Variants in KIF21B observed in about 807,000 individuals in gnomAD.
KIF21B encodes kinesin-like protein KIF21B.
In KIF21B, 85 loss-of-function variants were observed where a neutral mutation model predicts 192.9. That is an observed-to-expected ratio of 0.44 (90% CI 0.37 to 0.53). KIF21B has a LOEUF of 0.53. Among genes scored for constraint, KIF21B ranks in the 20% least tolerant of loss-of-function variants. The pLI is 0.00. For synonymous variants in KIF21B, 832 were observed against 884.6 expected (o/e 0.94, Z 1.05); for missense variants, 1,716 against 2,194.8 (o/e 0.78, Z 4.36).
rs759901677 is a variant in KIF21B at position 201,004,923 on chromosome 1, G to A, written c.743C>T (p.Ala248Val). The part of the protein sequence containing the change: ...MCTQPDLVNE[A>V]VTGLPDGTPP... ...TGTACCATCAGGAAGCCCAGTCACC[G>A]CCTCATTCACCTGCAGCAGAAGTCA... Residue 248 changes from alanine (A) to valine (V), a missense_variant, in exon 6 of 35, where the codon GCG (alanine) becomes GTG (valine). Ala to Val is a moderately conservative substitution (Grantham distance 64, BLOSUM62 0). Around this residue, in one of 3 missense-constraint regions of KIF21B, gnomAD observed 1,087 missense variants for 1,316.6 expected, o/e 0.83. Transcript: ENST00000461742. 2.5e-5 allele frequency: 40 copies of A among 1,606,684 alleles called. No homozygotes were observed. The highest frequency in any genetic ancestry group is 8.0e-5 in the African/African-American group (6 of 74,828).
At chr1:201,007,738 A>G (rs933863191) in intron 3 of KIF21B, among the ~76,000 whole-genome samples, 11 of 151,972 alleles carry the variant, frequency 7.2e-5, no homozygotes, top group African/African-American at 2.7e-4. Context: ...ATACACACAC[A>G]CACATACACA....
In KIF21B at chr1:200,970,437, A is replaced by G. The variant is rs2102356763; in HGVS notation, c.*3084T>C. ...GAAGGTGGCACTCTGACCACCTCAAAGGCTTGGGTGTGCCAGGCTCCGCCT... is the reference window on the plus strand; with the variant it reads ...GAAGGTGGCACTCTGACCACCTCAAGGGCTTGGGTGTGCCAGGCTCCGCCT... On this transcript the variant is annotated 3_prime_UTR_variant, in exon 35 of 35. Coordinates refer to ENST00000461742, the MANE Select transcript of KIF21B (RefSeq NM_001252102.2). 6.5e-6 allele frequency: 1 copy of G among 152,678 alleles called. No homozygotes were observed. The highest frequency in any genetic ancestry group is 1.5e-5 in the Non-Finnish European group (1 of 68,066). 9.5% of individuals were successfully genotyped at this position (152,678 alleles called of 1,614,324 possible). A position where few individuals can be genotyped will look rare whatever the true frequency, so the allele number is the denominator to read the frequency against.
rs4304620 is a variant in KIF21B at position 200,982,926 on chromosome 1, G to T, written c.3842+130C>A. On this transcript the variant is annotated intron_variant, in intron 28 of 34. Transcript: ENST00000461742. The surrounding 1 kb of genome is among the most constrained non-coding windows in gnomAD (Gnocchi z 4.7). Reference sequence around the variant, plus strand: ...AACAGGTCTGGAGAGGGGGGCAGCAGGAAGGGGAGTGGAGGGGCCGCATGC... The same window carrying T: ...AACAGGTCTGGAGAGGGGGGCAGCATGAAGGGGAGTGGAGGGGCCGCATGC... 1 of 802,960 alleles carries T rather than the reference G, an allele frequency of 1.2e-6. No homozygotes were observed. Among genetic ancestry groups the T allele is most frequent in the Non-Finnish European group, 2.1e-6 (1 of 481,618 alleles). The allele number at this position is 802,960 out of a possible 1,614,324, so 49.7% of individuals were successfully genotyped here.
At chr1:200,993,191 C>G (rs1420144643) in intron 15 of KIF21B, among the ~76,000 whole-genome samples, 1 of 152,264 alleles carries the variant, frequency 6.6e-6, no homozygotes, top group Non-Finnish European at 1.5e-5. Flanking sequence ...AAGCCACTGA[C>G]CTCGGGCCCT....
chr1:200,984,982 C>A lies in KIF21B; in HGVS notation c.3690-10G>T. On this transcript the variant is annotated splice_polypyrimidine_tract_variant and intron_variant, in intron 26 of 34. Transcript: ENST00000461742. ...TCCCACATCTGTGGACCTGGTGAGT[C>A]GGGACAGAGGGCAGCCTGTTAGTGA... 1.3e-6 allele frequency: 2 copies of A among 1,597,016 alleles called. No individual in the cohort carries two copies. Among genetic ancestry groups the A allele is most frequent in the Non-Finnish European group, 1.7e-6 (2 of 1,170,370 alleles).
intron 16 of KIF21B, 61 bp from the exon 17 acceptor site, chr1:200,991,786 G>A: frequency 6.5e-7 from 1 of 1,550,336 alleles, no homozygotes; most frequent in Non-Finnish European, 8.8e-7. Context: ...CTCTGTCTGT[G>A]TACAGGCTGG....
chr1:200,980,340 G>T (rs1484564975), intron 29 of KIF21B, among the ~76,000 whole-genome samples: 1 of 152,192 alleles, frequency 6.6e-6, no homozygotes, highest in Non-Finnish European at 1.5e-5. Context: ...CTGCAGCCTT[G>T]ACCTCCCGGA....
chr1:200,976,857 G>A lies in KIF21B; in HGVS notation c.4362C>T (p.Gly1454=). 1.9e-6 allele frequency: 3 copies of A among 1,612,792 alleles called. No individual in the cohort carries two copies. Among genetic ancestry groups the A allele is most frequent in the Non-Finnish European group, 2.5e-6 (3 of 1,178,982 alleles). The change falls in exon 32 of 35, where the codon GGC becomes GGT. Residue 1454 remains glycine (G), a synonymous_variant. Coordinates refer to ENST00000461742, the MANE Select transcript of KIF21B (RefSeq NM_001252102.2). The stretch of plus-strand genomic sequence containing the variant: ...GGGTGACCGTCAGGCACATCACAGG[G>A]CCGATGTGGCCAGTCAGCTTGCCGA... The part of the protein sequence containing the change: ...QPVGKLTGHI[G]PVMCLTVTQT...
In KIF21B at chr1:201,017,432, T is replaced by G. The variant is rs1415895378; in HGVS notation, c.41+5911A>C. Among the ~76,000 whole-genome samples the G allele has an allele frequency of 6.6e-6, 1 of 152,054 alleles. No homozygotes were observed. The highest frequency in any genetic ancestry group is 2.4e-5 in the African/African-American group (1 of 41,416). On this transcript the variant is annotated intron_variant, in intron 1 of 34. Coordinates refer to ENST00000461742, the MANE Select transcript of KIF21B (RefSeq NM_001252102.2). This position sits in a 1 kb window ranked among gnomAD's most constrained non-coding sequence, Gnocchi z 4.1. ...CCAGCCCAGGGAAGTACTGCTCAGC[T>G]GTGCTGCAGCGCCACTCTCCCTGTC...
intron 9 of KIF21B, 139 bp downstream of exon 9, chr1:201,002,022 A>G (rs1657525443): frequency 1.4e-6 from 1 of 691,836 alleles, no homozygotes; most frequent in Non-Finnish European, 2.4e-6. Flanking sequence ...TTTTAAAATC[A>G]AGTGAAAAAA....
Position 200,975,730 on chromosome 1 carries a change from G to C in KIF21B, c.4444-61C>G. On this transcript the variant is annotated intron_variant, in intron 32 of 34. Coordinates refer to ENST00000461742, the MANE Select transcript of KIF21B (RefSeq NM_001252102.2). This position sits in a 1 kb window ranked among gnomAD's most constrained non-coding sequence, Gnocchi z 4.3. The stretch of plus-strand genomic sequence containing the variant: ...GGGAGGATGGAAGGCAGGGCCTACA[G>C]CACTGTGGACCCAGAGGCCTGAAGA... The C allele has an allele frequency of 6.7e-7, 1 of 1,500,844 alleles. No homozygotes were observed. The highest frequency in any genetic ancestry group is 1.3e-5 in the South Asian group (1 of 78,342). 93.0% of individuals were successfully genotyped at this position (1,500,844 alleles called of 1,614,324 possible). A position where few individuals can be genotyped will look rare whatever the true frequency, so the allele number is the denominator to read the frequency against.
rs1655323850 is a variant in KIF21B at position 200,973,364 on chromosome 1, C to T, written c.*157G>A. ...CAGGGGAGGGATGAGGGAACAGTGT[C>T]CTGTGGGAAGGCCAAGGGAGAGGGA... is the stretch of plus-strand genomic sequence containing the variant. On this transcript the variant is annotated 3_prime_UTR_variant, in exon 35 of 35. Transcript: ENST00000461742. 2 of 867,576 alleles carry T rather than the reference C, an allele frequency of 2.3e-6. No individual in the cohort carries two copies. The highest frequency in any genetic ancestry group is 3.2e-6 in the Non-Finnish European group (2 of 622,656). The allele number at this position is 867,576 out of a possible 1,614,324, so 53.7% of individuals were successfully genotyped here. A position where few individuals can be genotyped will look rare whatever the true frequency, so the allele number is the denominator to read the frequency against.
chr1:201,002,402 G>C, intron 8 of KIF21B, 52 bp from the exon 9 acceptor site: 1 of 1,545,806 alleles, frequency 6.5e-7, no homozygotes, highest in Non-Finnish European at 8.9e-7. Flanking sequence ...CGCGGTTGGG[G>C]GGGTAAGGGG....
rs892362718 is a variant in KIF21B, at chr1:200,988,436, C to T, written c.3350+57G>A. On this transcript the variant is annotated intron_variant, in intron 23 of 34. Transcript: ENST00000461742. ...CCCTGGGACCTATGGCAACTCCTCC[C>T]ACCAGCCCCAGGTACATGCTGTGAG... 4 of 1,610,574 alleles carry T rather than the reference C, an allele frequency of 2.5e-6. No individual in the cohort carries two copies. In the African/African-American group the frequency reaches 4.0e-5, roughly 16 times the overall value.
In KIF21B at chr1:200,979,626, A is replaced by C. The variant is rs773124377; in HGVS notation, c.4069T>G (p.Cys1357Gly). The change falls in exon 30 of 35, where the codon TGC becomes GGC. Residue 1357 changes from cysteine (C) to glycine (G), a missense_variant. This residue lies in a region of KIF21B where 580 missense variants were observed against 775.5 expected (regional missense o/e 0.75). Coordinates refer to ENST00000461742, the MANE Select transcript of KIF21B (RefSeq NM_001252102.2). ...GAGAACACAAGCCCCGAGTGGCTGC[A>C]GTACTTGATGGAGACCACGTTGTTG... ...HPNNVVSIKY[C>G]SHSGLVFSVS... 3 of 1,590,004 alleles carry C rather than the reference A, an allele frequency of 1.9e-6. No homozygotes were observed. In the Admixed American group the frequency reaches 5.3e-5, roughly 28 times the overall value.
At chr1:200,996,169 C>A (rs1279908448) in intron 15 of KIF21B, 27 bp downstream of exon 15, 1 of 1,607,420 alleles carries the variant, frequency 6.2e-7, no homozygotes. Context: ...CACTCCAGGC[C>A]CCACTCCTCA....
In KIF21B at chr1:200,974,770, G is replaced by T; in HGVS notation, c.4758C>A (p.His1586Gln). The T allele has an allele frequency of 6.2e-7, 1 of 1,614,206 alleles. No individual in the cohort carries two copies. Among genetic ancestry groups the T allele is most frequent in the Non-Finnish European group, 8.5e-7 (1 of 1,180,020 alleles). ...TGCAGATGGCATTGATGGGACTGTC[G>T]TGGCCCTTGATCTCACCGATGGGTG... ...NFTPIGEIKG[H>Q]DSPINAICTN... is the part of the protein sequence containing the mutation. The change falls in exon 34 of 35, where the codon CAC becomes CAA. Residue 1586 changes from histidine to glutamine, a missense_variant. His to Gln is a conservative substitution (Grantham distance 24). Transcript: ENST00000461742.
chr1:201,009,357 G>C lies in KIF21B; in HGVS notation c.173C>G (p.Thr58Ser), dbSNP rs1339896138. 6.2e-7 allele frequency: 1 copy of C among 1,614,156 alleles called. No individual in the cohort carries two copies. Residue 58 changes from threonine (T) to serine (S), a missense_variant, in exon 2 of 35, where the codon ACC (threonine) becomes AGC (serine). Thr to Ser is a moderately conservative substitution (Grantham distance 58). Coordinates refer to ENST00000461742, the MANE Select transcript of KIF21B (RefSeq NM_001252102.2). ...FTYDFVFDLD[T>S]WQEQIYSTCV... is the part of the protein sequence containing the mutation. Reference sequence around the variant, plus strand: ...GGTGGAATAGATCTGTTCTTGCCAGGTGTCCAGGTCGAAGACAAAGTCATA... The same window carrying C: ...GGTGGAATAGATCTGTTCTTGCCAGCTGTCCAGGTCGAAGACAAAGTCATA...
chr1:201,016,360 C>A lies in KIF21B; in HGVS notation c.42-6872G>T, dbSNP rs1376364972. ...TGCTTAAGAAAGCTGAAGCCTGGAGCAGGGAGAAGTACGGAGTCGGGAACC... is the reference window on the plus strand; with the variant it reads ...TGCTTAAGAAAGCTGAAGCCTGGAGAAGGGAGAAGTACGGAGTCGGGAACC... On this transcript the variant is annotated intron_variant, in intron 1 of 34. Transcript: ENST00000461742. Among the ~76,000 whole-genome samples, 3 of 152,220 alleles carry A rather than the reference C, an allele frequency of 2.0e-5. No homozygotes were observed. The East Asian group carries it at 5.8e-4, about 29-fold the overall frequency.
Sources: gnomAD v4.1 joint callset for allele counts (sites outside exome capture counted in the v4.1 genomes callset) on GRCh38, gnomAD v4.1.1 for gene constraint, gnomAD v4.1.1 regional missense constraint, Gnocchi (gnomAD v3.1) non-coding constraint, MANE v1.5 for transcripts, NCBI Gene and HGNC (gene_info 2026-07-23, HGNC 2026-07-21) for gene names.